The following SLC39A11 variants were observed in gnomAD, a reference collection of about 807,000 sequenced individuals.
SLC39A11 encodes the protein solute carrier family 39 member 11, also known as zinc transporter ZIP11.
SLC39A11 carries 33 observed loss-of-function variants against 36.1 expected under a neutral mutation model. The ratio of observed to expected loss-of-function variants is 0.91; its 90% CI spans 0.69 to 1.22. The LOEUF is 1.22. Among genes scored for constraint, SLC39A11 ranks in the 50% most tolerant of loss-of-function variants. The pLI is 0.00. For synonymous variants in SLC39A11, 166 were observed against 170.3 expected, an observed-to-expected ratio of 0.97 and a Z score of 0.20; for missense variants, 432 against 430.3, an observed-to-expected ratio of 1.00 and a Z score of -0.03.
intron 4 of SLC39A11, among the ~76,000 whole-genome samples, chr17:72,963,756 C>A (rs932429685): frequency 1.3e-5 from 2 of 152,166 alleles, no homozygotes; most frequent in African/African-American, 4.8e-5. Flanking sequence ...TGAGGTTCTG[C>A]CTGGCAAAGG....
intron 1 of SLC39A11, among the ~76,000 whole-genome samples, chr17:73,091,311 C>T (rs893919958): frequency 3.3e-5 from 5 of 151,834 alleles, no homozygotes; most frequent in Admixed American, 3.3e-4. Flanking sequence ...GCCTGTAGTC[C>T]CAGTGCCTGT....
chr17:73,069,254 TG>T (rs1416792630), intron 3 of SLC39A11, among the ~76,000 whole-genome samples: 3 of 152,190 alleles, frequency 2.0e-5, no homozygotes, highest in African/African-American at 7.2e-5. Context: ...CAGCACCTTT[TG>T]TTCATTACGT....
intron 6 of SLC39A11, among the ~76,000 whole-genome samples, chr17:72,771,788 G>A (rs947780577): frequency 8.5e-5 from 13 of 152,204 alleles, no homozygotes; most frequent in Non-Finnish European, 1.6e-4. Flanking sequence ...AACGATCAAG[G>A]AAAATGCAAC....
intron 1 of SLC39A11, among the ~76,000 whole-genome samples, chr17:73,090,357 C>T (rs2060884189): frequency 6.6e-6 from 1 of 152,058 alleles, no homozygotes. Flanking sequence ...GCACTCTAAA[C>T]GAACTGCACC....
intron 3 of SLC39A11, among the ~76,000 whole-genome samples, chr17:73,055,939 T>C (rs2144070619): frequency 6.6e-6 from 1 of 152,258 alleles, no homozygotes; most frequent in East Asian, 1.9e-4. Context: ...TCCGGTTCTG[T>C]GGGCTGCCTG....
intron 4 of SLC39A11, among the ~76,000 whole-genome samples, chr17:72,953,062 T>G (rs2085980233): frequency 6.6e-6 from 1 of 152,118 alleles, no homozygotes; most frequent in Non-Finnish European, 1.5e-5. Context: ...CTGTCCTTCT[T>G]CCCGCATCCC....
chr17:72,954,078 A>G (rs966965477), intron 4 of SLC39A11, among the ~76,000 whole-genome samples: 1 of 152,018 alleles, frequency 6.6e-6, no homozygotes, highest in African/African-American at 2.4e-5. Context: ...ACAGAGTCTC[A>G]CTCTGTTGCC....
intron 6 of SLC39A11, among the ~76,000 whole-genome samples, chr17:72,843,097 G>A (rs541502151): frequency 6.6e-6 from 1 of 151,944 alleles, no homozygotes; most frequent in African/African-American, 2.4e-5. Context: ...TTACAGGCAC[G>A]TGCCACCACG....
chr17:72,931,549 T>G (rs911733453), intron 5 of SLC39A11, among the ~76,000 whole-genome samples: 10 of 152,136 alleles, frequency 6.6e-5, no homozygotes, highest in African/African-American at 1.2e-4. Context: ...CATGATCCCT[T>G]CCCAAATGCA....
At chr17:73,060,062 G>A (rs539693300) in intron 3 of SLC39A11, among the ~76,000 whole-genome samples, 11 of 151,816 alleles carry the variant, frequency 7.2e-5, no homozygotes, top group Non-Finnish European at 1.3e-4. Flanking sequence ...TACAAAAATC[G>A]GCCAAGCATG....
At chr17:72,986,324 C>T (rs565725751) in intron 4 of SLC39A11, among the ~76,000 whole-genome samples, 3 of 152,314 alleles carry the variant, frequency 2.0e-5, no homozygotes, top group East Asian at 1.9e-4. Flanking sequence ...ATGCAAACCA[C>T]GGCTGGGGAG....
At chr17:72,687,488 C>T (rs2071814696) in intron 7 of SLC39A11, among the ~76,000 whole-genome samples, 1 of 152,228 alleles carries the variant, frequency 6.6e-6, no homozygotes. Context: ...CTTGATCCAC[C>T]TGCCTCGACA....
chr17:72,978,646 G>A (rs1477602980), intron 4 of SLC39A11, among the ~76,000 whole-genome samples: 1 of 152,132 alleles, frequency 6.6e-6, no homozygotes, highest in African/African-American at 2.4e-5. Flanking sequence ...AGACTGTGGG[G>A]AGCATGGAAG....
chr17:72,795,282 G>C (rs1265859793), intron 6 of SLC39A11, among the ~76,000 whole-genome samples: 1 of 152,092 alleles, frequency 6.6e-6, no homozygotes, highest in Non-Finnish European at 1.5e-5. Context: ...GAAGGCTTGA[G>C]TGGGGCTGAA....
At chr17:72,734,489 G>A (rs1188464511) in intron 7 of SLC39A11, among the ~76,000 whole-genome samples, 1 of 152,120 alleles carries the variant, frequency 6.6e-6, no homozygotes, top group Non-Finnish European at 1.5e-5. Flanking sequence ...TATAGCAGAG[G>A]GTCTCGTGAG....
intron 7 of SLC39A11, among the ~76,000 whole-genome samples, chr17:72,680,936 TTC>T (rs2071485155): frequency 6.6e-6 from 1 of 152,166 alleles, no homozygotes; most frequent in African/African-American, 2.4e-5. Context: ...TGTACACGTT[TTC>T]GGTTTCTTTG....
At chr17:72,804,629 A>G (rs1351207007) in intron 6 of SLC39A11, among the ~76,000 whole-genome samples, 1 of 152,254 alleles carries the variant, frequency 6.6e-6, no homozygotes, top group Non-Finnish European at 1.5e-5. Context: ...ACTGCAGTCA[A>G]GAAATCCGTT....
rs754299894 is a variant in SLC39A11, at chr17:73,045,092, G to A, written c.148-13378C>T. Among the ~76,000 whole-genome samples, 27 of 151,886 alleles carry A rather than the reference G, an allele frequency of 1.8e-4. 1 individual carries two copies. The highest frequency in any genetic ancestry group is 3.5e-4 in the Non-Finnish European group (24 of 68,000). ...CACAGACAGCATGTTGGGTATCCAGGTTCTGGGGTCTATCCTAAAATGGCC... is the reference window on the plus strand; with the variant it reads ...CACAGACAGCATGTTGGGTATCCAGATTCTGGGGTCTATCCTAAAATGGCC... On this transcript the variant is annotated intron_variant, in intron 3 of 9. Coordinates refer to ENST00000255559, the MANE Select transcript of SLC39A11 (RefSeq NM_139177.4).
chr17:72,789,171 A>G (rs2076615847), intron 6 of SLC39A11, among the ~76,000 whole-genome samples: 1 of 151,566 alleles, frequency 6.6e-6, no homozygotes, highest in Non-Finnish European at 1.5e-5. Flanking sequence ...AGCAGCTGAG[A>G]CTACACGCGC....
Sources: allele counts gnomAD v4.1 joint callset (sites outside exome capture counted in the v4.1 genomes callset), GRCh38; gene constraint gnomAD v4.1.1; transcripts MANE v1.5; gene names NCBI Gene and HGNC (gene_info 2026-07-23, HGNC 2026-07-21).